GOLGA8A: variants seen among roughly 807,000 people sequenced by gnomAD.
The protein encoded by GOLGA8A is golgin A8 family member A.
Under a neutral mutation model 22.1 loss-of-function variants are expected in GOLGA8A, and 3 were observed. The ratio of observed to expected loss-of-function variants is 0.14; its 90% CI spans 0.06 to 0.35. The LOEUF is 0.35. Among genes scored for constraint, GOLGA8A ranks in the 10% least tolerant of loss-of-function variants. The probability of loss-of-function intolerance (pLI) is 1.00; values close to 1 mark genes in which losing one functional copy is unlikely to be tolerated. For synonymous variants in GOLGA8A, 7 were observed against 91.7 expected, an observed-to-expected ratio of 0.08 and a Z score of 5.28; for missense variants, 16 against 233.2, an observed-to-expected ratio of 0.07 and a Z score of 6.07.
Position 34,380,499 on chromosome 15 carries a change from TA to T in GOLGA8A, c.*911del, listed in dbSNP as rs1482563757. ...AAACAGGGAACACGAACTCTGACTT[TA>T]AAATGTATTGTAGATACAAATGCTC... On this transcript the variant is annotated 3_prime_UTR_variant, in exon 25 of 25. Coordinates refer to ENST00000359187, the MANE Select transcript of GOLGA8A (RefSeq NM_181077.5). The T allele has an allele frequency of 6.6e-6, 1 of 152,244 alleles. No individual in the cohort carries two copies. The allele number at this position is 152,244 out of a possible 1,614,324, so 9.4% of individuals were successfully genotyped here. A position where few individuals can be genotyped will look rare whatever the true frequency, so the allele number is the denominator to read the frequency against.
At chr15:34,426,971 C>G (rs1893009236) in intron 2 of GOLGA8A, among the ~76,000 whole-genome samples, 1 of 146,342 alleles carries the variant, frequency 6.8e-6, no homozygotes, top group African/African-American at 2.5e-5. Flanking sequence ...CCTACCCAAG[C>G]AGCCTCTAGT....
chr15:34,437,033 A>G (rs1391072276), intron 1 of GOLGA8A, among the ~76,000 whole-genome samples: 1 of 148,666 alleles, frequency 6.7e-6, no homozygotes, highest in Non-Finnish European at 1.5e-5. Flanking sequence ...CAGCGGCCCG[A>G]CCAGCCCGGC....
intron 2 of GOLGA8A, among the ~76,000 whole-genome samples, chr15:34,433,314 G>A (rs1172599228): frequency 6.7e-6 from 1 of 148,996 alleles, no homozygotes; most frequent in African/African-American, 2.5e-5. Flanking sequence ...GCGTGGGGGT[G>A]CCTCCTTCCA....
intron 2 of GOLGA8A, among the ~76,000 whole-genome samples, chr15:34,423,369 T>C (rs917309855): frequency 1.5e-5 from 2 of 133,162 alleles, no homozygotes; most frequent in African/African-American, 2.8e-5. Context: ...GGTTGGCTGC[T>C]TTATCTCATA....
chr15:34,416,467 C>A (rs970554173), intron 2 of GOLGA8A: 2 of 139,994 alleles, frequency 1.4e-5, no homozygotes, highest in Non-Finnish European at 3.1e-5. Flanking sequence ...TTTTAAAATG[C>A]CCCCTTTTGT....
intron 2 of GOLGA8A, among the ~76,000 whole-genome samples, chr15:34,430,435 G>A (rs1424520814): frequency 6.7e-6 from 1 of 148,954 alleles, no homozygotes; most frequent in African/African-American, 2.5e-5. Context: ...GGAAAATCTC[G>A]ACTTCACCCA....
rs1403968199 is a variant in GOLGA8A at position 34,379,647 on chromosome 15, G to A, written c.*1764C>T. 6.6e-6 allele frequency: 1 copy of A among 152,628 alleles called. No homozygotes were observed. Among genetic ancestry groups the A allele is most frequent in the Non-Finnish European group, 1.5e-5 (1 of 68,042 alleles). 9.5% of individuals were successfully genotyped at this position (152,628 alleles called of 1,614,324 possible). Reference sequence around the variant, plus strand: ...TATAAAAGGATCATGAGGCTGCCAAGTGCTAAAAATGGAGATGGTCTAGTA... The same window carrying A: ...TATAAAAGGATCATGAGGCTGCCAAATGCTAAAAATGGAGATGGTCTAGTA... On this transcript the variant is annotated 3_prime_UTR_variant, in exon 25 of 25. Transcript: ENST00000359187.
At chr15:34,431,298 TATATATATATATAC>T (rs1273161817) in intron 2 of GOLGA8A, among the ~76,000 whole-genome samples, 594 of 11,344 alleles carry the variant, frequency 0.052, 25 homozygotes, top group East Asian at 0.16. Flanking sequence ...AAATTATATA[TATATATATATATAC>T]ATATATATAT....
In GOLGA8A at chr15:34,379,274, T is replaced by C. The variant is rs1362697439; in HGVS notation, c.*2137A>G. The stretch of plus-strand genomic sequence containing the variant: ...CTTTCTCTACTTTTCCTTCCCACCA[T>C]TTCTTCCTTTTAAACTACAGGATTT... On this transcript the variant is annotated 3_prime_UTR_variant, in exon 25 of 25. Transcript: ENST00000359187. 6.6e-6 allele frequency: 1 copy of C among 152,636 alleles called. No individual in the cohort carries two copies. Among genetic ancestry groups the C allele is most frequent in the African/African-American group, 2.4e-5 (1 of 41,446 alleles). 9.5% of individuals were successfully genotyped at this position (152,636 alleles called of 1,614,324 possible). A position where few individuals can be genotyped will look rare whatever the true frequency, so the allele number is the denominator to read the frequency against.
chr15:34,436,162 CT>C (rs1646805337), intron 1 of GOLGA8A, among the ~76,000 whole-genome samples: 1 of 149,176 alleles, frequency 6.7e-6, no homozygotes, highest in African/African-American at 2.5e-5. Flanking sequence ...ACCCAGAGGC[CT>C]GAGAAAAAGC....
At chr15:34,418,121 T>C (rs1248008678) in intron 2 of GOLGA8A, 3 of 66,602 alleles carry the variant, frequency 4.5e-5, no homozygotes, top group Non-Finnish European at 6.0e-5. Context: ...GTAGTAACTG[T>C]AGATTCTTTA....
rs1471740592 is a variant in GOLGA8A at position 34,379,139 on chromosome 15, A to G, written c.*2272T>C. On this transcript the variant is annotated 3_prime_UTR_variant, in exon 25 of 25. Coordinates refer to ENST00000359187, the MANE Select transcript of GOLGA8A (RefSeq NM_181077.5). ...GCAGTCAATAATGCCACTTTAAGCA[A>G]AAGTCTTTCAGTATTTCCGTTACAC... 1.3e-5 allele frequency: 2 copies of G among 152,628 alleles called. No individual in the cohort carries two copies. The highest frequency in any genetic ancestry group is 2.1e-4 in the South Asian group (1 of 4,838). The allele number at this position is 152,628 out of a possible 1,614,324, so 9.5% of individuals were successfully genotyped here. A position where few individuals can be genotyped will look rare whatever the true frequency, so the allele number is the denominator to read the frequency against.
chr15:34,435,788 C>A (rs1893477729), intron 1 of GOLGA8A, among the ~76,000 whole-genome samples: 1 of 149,134 alleles, frequency 6.7e-6, no homozygotes, highest in South Asian at 2.2e-4. Flanking sequence ...CCAGTCCCAG[C>A]CCAGAGAGGG....
intron 2 of GOLGA8A, chr15:34,416,801 A>AAAAT (rs1187115195): frequency 5.5e-4 from 37 of 66,796 alleles, no homozygotes; most frequent in South Asian, 7.1e-4. Context: ...ATTGTCTCAA[A>AAAAT]AAATAAATAA....
At chr15:34,418,698 G>A (rs151294913) in intron 2 of GOLGA8A, 4,302 of 146,504 alleles carry the variant, frequency 0.029, 464 homozygotes, top group African/African-American at 0.038. Flanking sequence ...GTTAAGAAAC[G>A]TCTTCCTTGC....
intron 5 of GOLGA8A, 79 bp from the exon 6 acceptor site, chr15:34,400,838 C>T (rs2140233411): frequency 1.4e-5 from 2 of 139,022 alleles, no homozygotes; most frequent in South Asian, 4.5e-4. Context: ...TATCCACAAG[C>T]AAAAATATAC....
At chr15:34,421,311 A>G (rs1353270168) in intron 2 of GOLGA8A, among the ~76,000 whole-genome samples, 1 of 143,222 alleles carries the variant, frequency 7.0e-6, no homozygotes, top group African/African-American at 2.6e-5. Context: ...AAGGTACCCA[A>G]AAGTTGTCAC....
chr15:34,427,148 C>A (rs1312950514), intron 2 of GOLGA8A, among the ~76,000 whole-genome samples: 1 of 147,096 alleles, frequency 6.8e-6, no homozygotes, highest in East Asian at 2.0e-4. Context: ...CTGGCTAACA[C>A]GGTGAAACCT....
At chr15:34,420,127 A>T (rs1017715389) in intron 2 of GOLGA8A, 1 of 148,800 alleles carries the variant, frequency 6.7e-6, no homozygotes, top group Admixed American at 6.8e-5. Context: ...ATTTACCATA[A>T]TTTTTAAAAA....
Sources: gnomAD v4.1 joint callset for allele counts (sites outside exome capture counted in the v4.1 genomes callset) on GRCh38, gnomAD v4.1.1 for gene constraint, MANE v1.5 for transcripts, NCBI Gene and HGNC (gene_info 2026-07-23, HGNC 2026-07-21) for gene names.